Variants in NAA35 observed in about 807,000 individuals in gnomAD.
The protein encoded by NAA35 is N-alpha-acetyltransferase 35, NatC auxiliary subunit, also known as MAK10 homolog, amino-acid N-acetyltransferase subunit.
In NAA35, 18 loss-of-function variants were observed where a neutral mutation model predicts 101.7. The observed-to-expected ratio is 0.18, with a 90% CI of 0.12 to 0.26. NAA35 has a LOEUF of 0.26. Among genes scored for constraint, NAA35 ranks in the 10% least tolerant of loss-of-function variants. The pLI is 1.00. For synonymous variants in NAA35, 267 were observed against 273.1 expected, an observed-to-expected ratio of 0.98 and a Z score of 0.22; for missense variants, 601 against 886.8, an observed-to-expected ratio of 0.68 and a Z score of 4.09.
At chr9:85,964,072 A>G (rs566034977) in intron 6 of NAA35, among the ~76,000 whole-genome samples, 8 of 152,002 alleles carry the variant, frequency 5.3e-5, no homozygotes, top group East Asian at 1.9e-4. Flanking sequence ...CAGGCACTCA[A>G]ATACTCTATG....
chr9:85,959,336 A>C (rs183122692), intron 4 of NAA35, among the ~76,000 whole-genome samples: 1 of 149,740 alleles, frequency 6.7e-6, no homozygotes. Context: ...AGATCACGCC[A>C]CCTGCACTCC....
At chr9:85,978,462 T>C in intron 11 of NAA35, 81 bp downstream of exon 11, 2 of 938,532 alleles carry the variant, frequency 2.1e-6, no homozygotes, top group South Asian at 2.7e-5. Context: ...ACTAAAGTTT[T>C]TTCAAGTCAG....
chr9:86,023,661 AT>A lies in NAA35; in HGVS notation c.*1707del, dbSNP rs552712948. 2.0e-5 allele frequency among the ~76,000 whole-genome samples: 3 copies of A among 152,184 alleles called. No homozygotes were observed. The highest frequency in any genetic ancestry group is 7.2e-5 in the African/African-American group (3 of 41,446). Reference sequence around the variant, plus strand: ...CTTTTAATTAAGAGGGTGTGCTGGCATTTTTTAGCTACTATGTCTGATTGGG... The same window carrying A: ...CTTTTAATTAAGAGGGTGTGCTGGCATTTTTAGCTACTATGTCTGATTGGG... On this transcript the variant is annotated 3_prime_UTR_variant, in exon 23 of 23. Transcript: ENST00000361671.
intron 6 of NAA35, among the ~76,000 whole-genome samples, chr9:85,969,270 C>CA (rs61275261): frequency 0.047 from 4,948 of 105,530 alleles, 115 homozygotes; most frequent in South Asian, 0.089. Flanking sequence ...CCTGGTATGT[C>CA]AAAAAAAAAA....
chr9:86,016,442 C>T, intron 17 of NAA35, 97 bp from the exon 18 acceptor site: 2 of 1,047,798 alleles, frequency 1.9e-6, no homozygotes, highest in Non-Finnish European at 2.8e-6. Context: ...TTTTAAAGAC[C>T]TAAAGCATTA....
rs568895483 is a variant in NAA35 at position 85,982,426 on chromosome 9, A to C, written c.877+4045A>C. 1.7e-3 allele frequency among the ~76,000 whole-genome samples: 253 copies of C among 152,250 alleles called. 2 individuals carry two copies. The highest frequency in any genetic ancestry group is 5.8e-3 in the African/African-American group (243 of 41,570). ...CAGTTCTTTTTAATATGTCTGTGGA[A>C]GTTTAGCTCATCCTTTAAAATGATG... On this transcript the variant is annotated intron_variant, in intron 11 of 22. Transcript: ENST00000361671.
rs191692080 is a variant in NAA35 at position 85,987,587 on chromosome 9, T to C, written c.878-8812T>C. Among the ~76,000 whole-genome samples, 226 of 152,044 alleles carry C rather than the reference T, an allele frequency of 1.5e-3. 2 individuals carry two copies. The highest frequency in any genetic ancestry group is 1.0e-3 in the Non-Finnish European group (69 of 68,022). On this transcript the variant is annotated intron_variant, in intron 11 of 22. Transcript: ENST00000361671. ...AAAAAAGTCCGTGCATACCCACACA[T>C]GTGTGCTTGTGTGTATCTAATCTAG... is the stretch of plus-strand genomic sequence containing the variant.
intron 2 of NAA35, among the ~76,000 whole-genome samples, chr9:85,950,757 T>C (rs1564285654): frequency 6.6e-6 from 1 of 152,228 alleles, no homozygotes; most frequent in Non-Finnish European, 1.5e-5. Flanking sequence ...CATTATACTT[T>C]TTAAAATTAT....
At chr9:85,998,266 C>T (rs1450744320) in intron 12 of NAA35, among the ~76,000 whole-genome samples, 15 of 152,064 alleles carry the variant, frequency 9.9e-5, no homozygotes, top group Admixed American at 9.8e-4. Flanking sequence ...TGTTTGGTAA[C>T]CTGCTTTTTA....
Position 85,955,346 on chromosome 9 carries a change from ATATATATATATATAT to A in NAA35, c.125-1012_125-998del, listed in dbSNP as rs1216996504. Among the ~76,000 whole-genome samples, 105 of 69,368 alleles carry A rather than the reference ATATATATATATATAT, an allele frequency of 1.5e-3. 3 individuals carry two copies. The South Asian group carries it at 0.036, about 24-fold the overall frequency. 45.5% of individuals were successfully genotyped at this position (69,368 alleles called of 152,430 possible). ...TATATACATATATATATATATATAT[ATATATATATATATAT>A]TTTTTTTTTTTTTTTTCTTCAGACA... On this transcript the variant is annotated intron_variant, in intron 2 of 22. Coordinates refer to ENST00000361671, the MANE Select transcript of NAA35 (RefSeq NM_024635.4).
At chr9:85,964,358 C>T (rs1451789757) in intron 6 of NAA35, among the ~76,000 whole-genome samples, 1 of 152,162 alleles carries the variant, frequency 6.6e-6, no homozygotes. Flanking sequence ...CCATTAAAGC[C>T]TTCTTCGCTG....
intron 22 of NAA35, 134 bp downstream of exon 22, chr9:86,021,103 A>G: frequency 1.7e-6 from 1 of 600,826 alleles, no homozygotes; most frequent in Non-Finnish European, 2.7e-6. Context: ...TTAGTTCAGC[A>G]GCAAAAAATT....
intron 6 of NAA35, among the ~76,000 whole-genome samples, chr9:85,964,637 C>T (rs529339826): frequency 1.2e-4 from 19 of 152,316 alleles, no homozygotes; most frequent in African/African-American, 4.6e-4. Context: ...TTTTTGTGAA[C>T]ACAACCTTAT....
At position 85,966,702 on chromosome 9, in the gene NAA35, T is replaced by C. The variant is rs916252011; in HGVS notation, c.516+4522T>C. 8 of 1,099,820 alleles carry C rather than the reference T, an allele frequency of 7.3e-6. No homozygotes were observed. In the African/African-American group the frequency reaches 1.3e-4, roughly 18 times the overall value. The allele number at this position is 1,099,820 out of a possible 1,614,324, so 68.1% of individuals were successfully genotyped here. On this transcript the variant is annotated intron_variant, in intron 6 of 22. Transcript: ENST00000361671. The stretch of plus-strand genomic sequence containing the variant: ...AAGTTGACACTTCTGTTTTTACTAG[T>C]ATACATTAGCACAGCTGTCTTGGCA...
intron 6 of NAA35, among the ~76,000 whole-genome samples, chr9:85,971,679 C>G (rs1272894174): frequency 6.6e-6 from 1 of 152,176 alleles, no homozygotes; most frequent in African/African-American, 2.4e-5. Context: ...TCTGCCCTTA[C>G]ACCTGCTCCT....
chr9:86,010,246 A>C (rs1244347882), intron 15 of NAA35, among the ~76,000 whole-genome samples: 3 of 151,674 alleles, frequency 2.0e-5, no homozygotes, highest in Non-Finnish European at 4.4e-5. Context: ...TGTCTCAATA[A>C]CCATAATAAT....
chr9:86,015,793 A>G (rs1238381018), intron 17 of NAA35: 24 of 979,142 alleles, frequency 2.5e-5, no homozygotes, highest in Non-Finnish European at 2.8e-5. Context: ...TTAGATAAAC[A>G]GAAGGTAGAA....
chr9:85,979,073 A>G (rs1450998651), intron 11 of NAA35, among the ~76,000 whole-genome samples: 2 of 152,172 alleles, frequency 1.3e-5, no homozygotes, highest in South Asian at 2.1e-4. Flanking sequence ...ACATGTTAGA[A>G]ATGATTGTTC....
intron 6 of NAA35, among the ~76,000 whole-genome samples, chr9:85,969,210 T>C (rs940726758): frequency 1.3e-5 from 2 of 151,330 alleles, no homozygotes; most frequent in African/African-American, 4.9e-5. Flanking sequence ...TTGTTTTGCT[T>C]GGTGGAATAT....
Sources: gnomAD v4.1 joint callset for allele counts (sites outside exome capture counted in the v4.1 genomes callset) on GRCh38, gnomAD v4.1.1 for gene constraint, MANE v1.5 for transcripts, NCBI Gene and HGNC (gene_info 2026-07-23, HGNC 2026-07-21) for gene names.